L3MBTL4: variants seen among roughly 807,000 people sequenced by gnomAD.
L3MBTL4 encodes the protein L3MBTL histone methyl-lysine binding protein 4, also known as lethal(3)malignant brain tumor-like protein 4.
Under a neutral mutation model 84.5 loss-of-function variants are expected in L3MBTL4, and 70 were observed. The ratio of observed to expected loss-of-function variants is 0.83; its 90% CI spans 0.68 to 1.01. The LOEUF is 1.01. Ranked by LOEUF, L3MBTL4 falls within the 50% of genes least tolerant of loss-of-function variation. The pLI, the probability that L3MBTL4 is intolerant of heterozygous loss-of-function variation, is 0.00. For synonymous variants in L3MBTL4, 274 were observed against 259.8 expected (o/e 1.05, Z -0.52); for missense variants, 715 against 754.8 (o/e 0.95, Z 0.62).
intron 14 of L3MBTL4, among the ~76,000 whole-genome samples, chr18:6,116,739 A>C (rs967034858): frequency 6.6e-6 from 1 of 152,158 alleles, no homozygotes; most frequent in African/African-American, 2.4e-5. Context: ...TTTTTGTTGA[A>C]TATATCCCAA....
At chr18:6,121,750 T>C (rs1238990486) in intron 14 of L3MBTL4, among the ~76,000 whole-genome samples, 1 of 150,896 alleles carries the variant, frequency 6.6e-6, no homozygotes, top group Admixed American at 6.6e-5. Flanking sequence ...ATTTTGGAGT[T>C]GGGAATCAAA....
intron 5 of L3MBTL4, among the ~76,000 whole-genome samples, chr18:6,252,694 G>A (rs1484243512): frequency 6.6e-6 from 1 of 152,228 alleles, no homozygotes. Context: ...AGACTCATAT[G>A]TCCTGCTAAG....
intron 16 of L3MBTL4, among the ~76,000 whole-genome samples, chr18:6,060,370 A>C (rs1472374943): frequency 6.6e-6 from 1 of 151,558 alleles, no homozygotes; most frequent in Non-Finnish European, 1.5e-5. Context: ...CATTATGAAG[A>C]TACGAAGTAC....
chr18:6,077,116 A>G (rs1180056121), intron 16 of L3MBTL4, among the ~76,000 whole-genome samples: 1 of 152,228 alleles, frequency 6.6e-6, no homozygotes, highest in Non-Finnish European at 1.5e-5. Context: ...TCCGTCCTGG[A>G]GAAGGGGCTC....
At chr18:6,379,667 C>T (rs561930430) in intron 1 of L3MBTL4, among the ~76,000 whole-genome samples, 4 of 152,202 alleles carry the variant, frequency 2.6e-5, no homozygotes, top group South Asian at 4.2e-4. Context: ...GATATGAAGC[C>T]GACTTGATCG....
intron 15 of L3MBTL4, 24 bp from the exon 16 acceptor site, chr18:6,080,975 T>C: frequency 6.4e-7 from 1 of 1,552,564 alleles, no homozygotes; most frequent in Non-Finnish European, 8.8e-7. Flanking sequence ...AGAAATAAAA[T>C]CTAGATTCAT....
chr18:6,004,997 A>ATTTTTTTTTT lies in L3MBTL4; in HGVS notation c.1445-35445_1445-35436dup, dbSNP rs60294342. Among the ~76,000 whole-genome samples the ATTTTTTTTTT allele has an allele frequency of 6.4e-3, 335 of 52,036 alleles. 30 individuals carry two copies. Among genetic ancestry groups the ATTTTTTTTTT allele is most frequent in the Middle Eastern group, 0.037 (2 of 54 alleles). 34.1% of individuals were successfully genotyped at this position (52,036 alleles called of 152,430 possible). On this transcript the variant is annotated intron_variant, in intron 16 of 18. Transcript: ENST00000317931. ...ACACATAAAAATGGTTAAGATGATA[A>ATTTTTTTTTT]TTTTTTTTTTTTTTTTTTTTTTTTT...
intron 1 of L3MBTL4, chr18:6,397,963 T>C (rs2055345179): frequency 6.6e-6 from 1 of 152,318 alleles, no homozygotes; most frequent in South Asian, 2.1e-4. Context: ...CCACCTGCCC[T>C]TTCTTGGGAA....
chr18:6,389,892 AAGAC>A (rs562265943), intron 1 of L3MBTL4, among the ~76,000 whole-genome samples: 442 of 152,282 alleles, frequency 2.9e-3, no homozygotes, highest in Non-Finnish European at 5.4e-3. Flanking sequence ...ACAGATCATC[AAGAC>A]AGAATGTCAA....
At chr18:6,221,095 C>A (rs2046531763) in intron 10 of L3MBTL4, among the ~76,000 whole-genome samples, 1 of 151,898 alleles carries the variant, frequency 6.6e-6, no homozygotes, top group African/African-American at 2.4e-5. Flanking sequence ...TTTAAAGGCA[C>A]CCTCGATTAT....
At chr18:6,213,097 A>T (rs886369725) in intron 12 of L3MBTL4, 52 bp downstream of exon 12, 6 of 1,028,044 alleles carry the variant, frequency 5.8e-6, no homozygotes, top group Non-Finnish European at 7.0e-6. Flanking sequence ...AGGAAACAAA[A>T]GTAATGTAGG....
intron 15 of L3MBTL4, chr18:6,082,381 G>A (rs2058108946): frequency 6.6e-6 from 1 of 151,888 alleles, no homozygotes; most frequent in Admixed American, 6.6e-5. Context: ...CTATAGAAAA[G>A]TGGCTTAAAT....
At chr18:6,358,819 A>G (rs1285092444) in intron 1 of L3MBTL4, among the ~76,000 whole-genome samples, 1 of 152,210 alleles carries the variant, frequency 6.6e-6, no homozygotes, top group Non-Finnish European at 1.5e-5. Flanking sequence ...CAATGGCAAG[A>G]GGAATGAGCA....
chr18:6,013,488 A>T (rs1175495103), intron 16 of L3MBTL4, among the ~76,000 whole-genome samples: 1 of 152,122 alleles, frequency 6.6e-6, no homozygotes, highest in Non-Finnish European at 1.5e-5. Flanking sequence ...TTCCACTTCC[A>T]AGACACTCAT....
At chr18:6,342,404 G>A (rs980963132) in intron 1 of L3MBTL4, among the ~76,000 whole-genome samples, 2 of 152,032 alleles carry the variant, frequency 1.3e-5, no homozygotes, top group Non-Finnish European at 2.9e-5. Flanking sequence ...ATTAAAAAAG[G>A]AAAAAAGTTG....
intron 1 of L3MBTL4, among the ~76,000 whole-genome samples, chr18:6,401,047 C>T (rs976049752): frequency 1.4e-4 from 21 of 152,140 alleles, no homozygotes; most frequent in Admixed American, 2.6e-4. Context: ...TTCCATCTCC[C>T]ATCATTAATT....
intron 13 of L3MBTL4, among the ~76,000 whole-genome samples, chr18:6,144,064 G>A (rs1420779128): frequency 6.6e-6 from 1 of 151,764 alleles, no homozygotes; most frequent in Non-Finnish European, 1.5e-5. Context: ...GGGCATGGTG[G>A]CAGGCCCTGT....
intron 1 of L3MBTL4, among the ~76,000 whole-genome samples, chr18:6,344,054 A>C (rs2052750726): frequency 6.6e-6 from 1 of 151,838 alleles, no homozygotes; most frequent in African/African-American, 2.4e-5. Context: ...AGATTAGAAC[A>C]AAAATAAATA....
intron 16 of L3MBTL4, among the ~76,000 whole-genome samples, chr18:6,011,810 T>C (rs1312483039): frequency 6.6e-6 from 1 of 152,208 alleles, no homozygotes; most frequent in Non-Finnish European, 1.5e-5. Flanking sequence ...CCTATGTTCC[T>C]GGTTTCTTGT....
Sources: allele counts gnomAD v4.1 joint callset (sites outside exome capture counted in the v4.1 genomes callset), GRCh38; gene constraint gnomAD v4.1.1; transcripts MANE v1.5; gene names NCBI Gene and HGNC (gene_info 2026-07-23, HGNC 2026-07-21).